The following FAAH2 variants were observed in gnomAD, a reference collection of about 807,000 sequenced individuals.
FAAH2 encodes the protein fatty acid amide hydrolase 2, also known as fatty-acid amide hydrolase 2.
In FAAH2, 60 loss-of-function variants were observed where a neutral mutation model predicts 36.9. The ratio of observed to expected loss-of-function variants is 1.63; its 90% CI spans 1.32 to 2.02. FAAH2 has a LOEUF of 2.02. FAAH2 is among the 30% of genes most tolerant of loss of function. The probability of loss-of-function intolerance (pLI) is 0.00; values close to 1 mark genes in which losing one functional copy is unlikely to be tolerated. For missense variants in FAAH2, 689 were observed against 397.5 expected (o/e 1.73, Z -6.23); for synonymous variants, 214 against 143.8 (o/e 1.49, Z -3.49).
chrX:57,449,599 C>T (rs2056746660), intron 10 of FAAH2, among the ~76,000 whole-genome samples: 2 of 111,292 alleles, frequency 1.8e-5, no homozygotes, highest in Non-Finnish European at 3.8e-5. Flanking sequence ...TTTCCTTACC[C>T]TTACTCTCTC....
the FAAH2 span, among the ~76,000 whole-genome samples, chrX:57,160,919 T>C: frequency 8.9e-6 from 1 of 112,111 alleles, no homozygotes; most frequent in African/African-American, 3.2e-5. Context: ...ATGTGTTTGC[T>C]CTTGCTTCTG....
chrX:57,185,854 AG>A, the FAAH2 span, among the ~76,000 whole-genome samples: 1 of 110,694 alleles, frequency 9.0e-6, no homozygotes, highest in East Asian at 2.9e-4. Flanking sequence ...GACGGTCTCC[AG>A]CTTCATCCAT....
At chrX:57,334,670 T>C (rs985368276) in intron 4 of FAAH2, among the ~76,000 whole-genome samples, 27 of 111,640 alleles carry the variant, frequency 2.4e-4, no homozygotes, top group African/African-American at 8.8e-4. Context: ...AATGACAACA[T>C]TGTTATATGG....
chrX:57,328,584 G>A (rs1386177288), intron 3 of FAAH2, among the ~76,000 whole-genome samples: 2 of 111,529 alleles, frequency 1.8e-5, no homozygotes, highest in Admixed American at 9.5e-5. Context: ...GCCTGCTTAA[G>A]AATGCTTGCT....
At chrX:57,327,990 G>A (rs1397806031) in intron 3 of FAAH2, among the ~76,000 whole-genome samples, 2 of 111,404 alleles carry the variant, frequency 1.8e-5, no homozygotes, top group Admixed American at 9.6e-5. Context: ...TTTGGTCTTT[G>A]ATGATGTGAT....
At chrX:57,366,396 G>A (rs2054415650) in intron 5 of FAAH2, among the ~76,000 whole-genome samples, 2 of 111,959 alleles carry the variant, frequency 1.8e-5, no homozygotes, top group African/African-American at 6.5e-5. Flanking sequence ...TTGCCCCTTG[G>A]GGGTTAAATA....
intron 2 of FAAH2, among the ~76,000 whole-genome samples, chrX:57,294,943 A>T (rs1448894554): frequency 1.8e-5 from 2 of 112,315 alleles, no homozygotes; most frequent in East Asian, 2.8e-4. Flanking sequence ...ACAAAAAAAA[A>T]GTAACACTGA....
At chrX:57,135,661 C>A in the FAAH2 span, 8 of 1,073,676 alleles carry the variant, frequency 7.5e-6, no homozygotes. Context: ...CATGTATTCA[C>A]AAATTTGTAT....
chrX:57,379,644 C>T (rs910461959), intron 6 of FAAH2, among the ~76,000 whole-genome samples: 1 of 109,249 alleles, frequency 9.2e-6, no homozygotes, highest in Non-Finnish European at 1.9e-5. Context: ...TTTTTTTAGC[C>T]CCTTATTCCC....
the FAAH2 span, among the ~76,000 whole-genome samples, chrX:57,253,503 T>G: frequency 9.0e-6 from 1 of 111,637 alleles, no homozygotes; most frequent in Non-Finnish European, 1.9e-5. Context: ...GAAAAAATGT[T>G]AATGGCAGCC....
the FAAH2 span, among the ~76,000 whole-genome samples, chrX:57,268,690 A>G: frequency 1.8e-5 from 2 of 111,797 alleles, no homozygotes; most frequent in Non-Finnish European, 3.8e-5. Context: ...ATTGGGTGTC[A>G]ATATTCAATA....
the FAAH2 span, among the ~76,000 whole-genome samples, chrX:57,217,920 A>C: frequency 1.7e-3 from 190 of 111,745 alleles, 2 homozygotes; most frequent in South Asian, 0.068. Flanking sequence ...TGAGCATGGC[A>C]TGTGTTTCCA....
chrX:57,134,132 G>C, the FAAH2 span, among the ~76,000 whole-genome samples: 1 of 111,754 alleles, frequency 8.9e-6, no homozygotes, highest in Non-Finnish European at 1.9e-5. Flanking sequence ...GAAAGACACA[G>C]ATCTATCTTT....
At chrX:57,162,436 G>T in the FAAH2 span, among the ~76,000 whole-genome samples, 2 of 111,720 alleles carry the variant, frequency 1.8e-5, no homozygotes, top group Non-Finnish European at 3.8e-5. Flanking sequence ...AGTTCTCCTG[G>T]ATAATATCCT....
intron 8 of FAAH2, among the ~76,000 whole-genome samples, chrX:57,440,152 C>T (rs939598249): frequency 3.6e-5 from 4 of 111,402 alleles, no homozygotes; most frequent in African/African-American, 1.3e-4. Context: ...TCATTGGTAG[C>T]TTAATGGGGA....
At chrX:57,265,117 T>G in the FAAH2 span, among the ~76,000 whole-genome samples, 4 of 111,158 alleles carry the variant, frequency 3.6e-5, no homozygotes, top group Non-Finnish European at 7.6e-5. Context: ...TTGGGTCAGG[T>G]GGTCCCCTTG....
chrX:57,279,368 T>G, the FAAH2 span, among the ~76,000 whole-genome samples: 1 of 112,068 alleles, frequency 8.9e-6, no homozygotes, highest in South Asian at 3.7e-4. Flanking sequence ...AACCAAACAC[T>G]GCGTGTTCTC....
chrX:57,137,397 G>A, the FAAH2 span: 1 of 739,237 alleles, frequency 1.4e-6, no homozygotes, highest in African/African-American at 2.3e-5. Context: ...CAGGCAAAGA[G>A]CACTGCAGCG....
chrX:57,438,760 C>A (rs764363522), intron 8 of FAAH2, among the ~76,000 whole-genome samples: 2 of 83,923 alleles, frequency 2.4e-5, no homozygotes, highest in Admixed American at 1.5e-4. Flanking sequence ...CCTCCCCCCA[C>A]CCCACAACAG....
Sources: allele counts gnomAD v4.1 joint callset (sites outside exome capture counted in the v4.1 genomes callset), GRCh38; gene constraint gnomAD v4.1.1; transcripts MANE v1.5; gene names NCBI Gene and HGNC (gene_info 2026-07-23, HGNC 2026-07-21).